Variants in SLC46A2 observed in about 807,000 individuals in gnomAD.
The protein encoded by SLC46A2 is solute carrier family 46 member 2.
SLC46A2 carries 25 observed loss-of-function variants against 33.1 expected under a neutral mutation model. That is an observed-to-expected ratio of 0.76 (90% CI 0.55 to 1.06). The LOEUF (loss-of-function observed/expected upper bound fraction) is 1.06, where lower values mean the gene tolerates loss of function less well. Among genes scored for constraint, SLC46A2 ranks in the 50% least tolerant of loss-of-function variants. The probability of loss-of-function intolerance (pLI) is 0.00; values close to 1 mark genes in which losing one functional copy is unlikely to be tolerated. For missense variants in SLC46A2, 622 were observed against 621.7 expected (o/e 1.00, Z 0.00); for synonymous variants, 254 against 275.9 (o/e 0.92, Z 0.79).
In SLC46A2 at chr9:112,890,432, C is replaced by G; in HGVS notation, c.250G>C (p.Val84Leu). Residue 84 changes from valine (V) to leucine (L), a missense_variant, in exon 1 of 4, where the codon GTG becomes CTG. Val to Leu is a conservative substitution (Grantham distance 32). Coordinates refer to ENST00000374228, the MANE Select transcript of SLC46A2 (RefSeq NM_033051.4). The surrounding 1 kb of genome is among the most constrained non-coding windows in gnomAD (Gnocchi z 6.0). ...ISNFYIIYNL[V>L]VGLSPLLSAY... ...GACAGCAGGGGGGACAGGCCCACCA[C>G]AAGGTTGTAGATAATGTAGAAATTG... 1 of 1,614,230 alleles carries G rather than the reference C, an allele frequency of 6.2e-7. No individual in the cohort carries two copies. Among genetic ancestry groups the G allele is most frequent in the South Asian group, 1.1e-5 (1 of 91,088 alleles).
At chr9:112,882,257 C>T (rs1264592749) in intron 3 of SLC46A2, among the ~76,000 whole-genome samples, 2 of 152,194 alleles carry the variant, frequency 1.3e-5, no homozygotes, top group Non-Finnish European at 2.9e-5. Context: ...CAGGCATGCA[C>T]CACAATGCCT....
Position 112,890,834 on chromosome 9 carries a change from G to C in SLC46A2, c.-153C>G, listed in dbSNP as rs1039520511. On this transcript the variant is annotated 5_prime_UTR_variant, in exon 1 of 4. Transcript: ENST00000374228. This position sits in a 1 kb window ranked among gnomAD's most constrained non-coding sequence, Gnocchi z 6.0. ...CGAGTGTGCTCCGTGCGCCGGGAGC[G>C]CGCCGGCCAGTGGCGAGCAGAGCCA... 45 of 935,114 alleles carry C rather than the reference G, an allele frequency of 4.8e-5. No individual in the cohort carries two copies. In the African/African-American group the frequency reaches 7.0e-4, roughly 15 times the overall value. The allele number at this position is 935,114 out of a possible 1,614,324, so 57.9% of individuals were successfully genotyped here.
rs77961817 is a variant in SLC46A2, at chr9:112,881,208, C to G, written c.1371-1389G>C. On this transcript the variant is annotated intron_variant, in intron 3 of 3. Transcript: ENST00000374228. ...CCTCTGGCACCCTGGGCTTTCTCAT[C>G]TGCTGGAGCTCCAGAATCCTCAGGT... Among the ~76,000 whole-genome samples, 71 of 152,330 alleles carry G rather than the reference C, an allele frequency of 4.7e-4. No homozygotes were observed. In the East Asian group the frequency reaches 0.013, roughly 29 times the overall value.
chr9:112,882,056 C>CT (rs370045387), intron 3 of SLC46A2, among the ~76,000 whole-genome samples: 8 of 152,186 alleles, frequency 5.3e-5, no homozygotes, highest in African/African-American at 1.9e-4. Flanking sequence ...GCCAGGCCAG[C>CT]TTATGCAGGG....
rs145661725 is a variant in SLC46A2 at position 112,889,482 on chromosome 9, G to A, written c.1129+71C>T. On this transcript the variant is annotated intron_variant, in intron 1 of 3. Coordinates refer to ENST00000374228, the MANE Select transcript of SLC46A2 (RefSeq NM_033051.4). ...GCTGAGCTAGGACACCCAGACCATG[G>A]CATCCCTGGTGTCAGCCCCATGATG... The A allele has an allele frequency of 3.0e-5, 45 of 1,501,994 alleles. 1 individual carries two copies. The South Asian group carries it at 5.3e-4, about 18-fold the overall frequency. The allele number at this position is 1,501,994 out of a possible 1,614,324, so 93.0% of individuals were successfully genotyped here. A position where few individuals can be genotyped will look rare whatever the true frequency, so the allele number is the denominator to read the frequency against.
chr9:112,881,804 C>T (rs1043573181), intron 3 of SLC46A2: 4 of 152,254 alleles, frequency 2.6e-5, no homozygotes, highest in African/African-American at 9.6e-5. Context: ...ATGAAATCAT[C>T]ATCACTGCAT....
intron 1 of SLC46A2, among the ~76,000 whole-genome samples, chr9:112,887,946 T>TGTGTGAGA (rs1554760068): frequency 3.6e-5 from 5 of 139,288 alleles, no homozygotes; most frequent in African/African-American, 1.1e-4. Flanking sequence ...TGTGTGTGTG[T>TGTGTGAGA]GAGAGAGAGA....
At chr9:112,881,406 C>T (rs1841575833) in intron 3 of SLC46A2, 1 of 152,252 alleles carries the variant, frequency 6.6e-6, no homozygotes, top group South Asian at 2.1e-4. Context: ...ACTGACTGTA[C>T]TTAAGACTCA....
rs1179090156 is a variant in SLC46A2, at chr9:112,879,823, TA to T, written c.1371-5del. ...GACTTGTTTATAGGCCACGATGCTG[TA>T]AGAATTGACCATAGAGAGTTACAAG... On this transcript the variant is annotated splice_region_variant and splice_polypyrimidine_tract_variant and intron_variant, in intron 3 of 3. Transcript: ENST00000374228. 6 of 1,612,298 alleles carry T rather than the reference TA, an allele frequency of 3.7e-6. No individual in the cohort carries two copies. Among genetic ancestry groups the T allele is most frequent in the Non-Finnish European group, 5.1e-6 (6 of 1,178,724 alleles).
chr9:112,884,690 C>T (rs1171282213), intron 3 of SLC46A2, among the ~76,000 whole-genome samples: 2 of 152,194 alleles, frequency 1.3e-5, no homozygotes, highest in East Asian at 3.8e-4. Flanking sequence ...CAGAGGGAAA[C>T]AGTGTGCCTA....
intron 2 of SLC46A2, 39 bp downstream of exon 2, chr9:112,887,291 C>T (rs765631692): frequency 1.3e-5 from 21 of 1,594,732 alleles, no homozygotes; most frequent in East Asian, 6.7e-5. Context: ...TGAAACAGCC[C>T]GGGCAGAAGA....
rs761965885 is a variant in SLC46A2 at position 112,889,645 on chromosome 9, C to T, written c.1037G>A (p.Arg346Gln). 1.2e-5 allele frequency: 20 copies of T among 1,613,926 alleles called. No homozygotes were observed. Among genetic ancestry groups the T allele is most frequent in the East Asian group, 8.9e-5 (4 of 44,874 alleles). The stretch of plus-strand genomic sequence containing the variant: ...CCCAATCATGATCATGGTGGTGTCC[C>T]GAAAGCAGCGGGAGAAGACCAGGAC... ...LGVLVFSRCFRDTTMIMIGMV... is the reference protein window; with the variant it reads ...LGVLVFSRCFQDTTMIMIGMV... Residue 346 changes from arginine (R) to glutamine (Q), a missense_variant, in exon 1 of 4, where the codon CGG becomes CAG. By Grantham distance (43) the Arg-to-Gln change is conservative. Transcript: ENST00000374228.
chr9:112,888,299 A>C (rs889075577), intron 1 of SLC46A2, among the ~76,000 whole-genome samples: 5 of 150,262 alleles, frequency 3.3e-5, no homozygotes, highest in Non-Finnish European at 7.5e-5. Flanking sequence ...AAAACAAAAC[A>C]AAACCCAAAG....
rs755915073 is a variant in SLC46A2, at chr9:112,886,623, A to G, written c.1214-7T>C. The G allele has an allele frequency of 8.1e-6, 13 of 1,613,620 alleles. No individual in the cohort carries two copies. The East Asian group carries it at 1.8e-4, about 22-fold the overall frequency. The stretch of plus-strand genomic sequence containing the variant: ...AGTATGACGAACACCTTTCCTGTGG[A>G]AGGGACAGAGGTTACTCCGGAGTGC... On this transcript the variant is annotated splice_region_variant and splice_polypyrimidine_tract_variant and intron_variant, in intron 2 of 3. Coordinates refer to ENST00000374228, the MANE Select transcript of SLC46A2 (RefSeq NM_033051.4).
chr9:112,890,503 G>C lies in SLC46A2; in HGVS notation c.179C>G (p.Pro60Arg). ...GTCCTCTAGAGCCCCCCGGGGCGAT[G>C]GGCTGGCACTGTGGTTGGAGGAGCC... is the stretch of plus-strand genomic sequence containing the variant. ...TGGSSNHSAS[P>R]SPRGALEDQQ... The change falls in exon 1 of 4, where the codon CCA becomes CGA. Residue 60 changes from proline (P) to arginine (R), a missense_variant. Physicochemically the swap from Pro to Arg is moderately radical, Grantham distance 103. Coordinates refer to ENST00000374228, the MANE Select transcript of SLC46A2 (RefSeq NM_033051.4). This position sits in a 1 kb window ranked among gnomAD's most constrained non-coding sequence, Gnocchi z 6.0. The C allele has an allele frequency of 6.2e-7, 1 of 1,613,820 alleles. No individual in the cohort carries two copies. The highest frequency in any genetic ancestry group is 1.3e-5 in the African/African-American group (1 of 74,952).
At chr9:112,887,953 G>C (rs953417047) in intron 1 of SLC46A2, among the ~76,000 whole-genome samples, 1 of 147,652 alleles carries the variant, frequency 6.8e-6, no homozygotes, top group Non-Finnish European at 1.5e-5. Context: ...GTGTGAGAGA[G>C]AGAGAGAGAG....
rs751087874 is a variant in SLC46A2 at position 112,890,436 on chromosome 9, G to T, written c.246C>A (p.Asn82Lys). ...RAISNFYIIY[N>K]LVVGLSPLLS... ...GCAGGGGGGACAGGCCCACCACAAG[G>T]TTGTAGATAATGTAGAAATTGGAGA... The change falls in exon 1 of 4, where the codon AAC becomes AAA. Residue 82 changes from asparagine (N) to lysine (K), a missense_variant. Transcript: ENST00000374228. The surrounding 1 kb of genome is among the most constrained non-coding windows in gnomAD (Gnocchi z 6.0). 2.2e-5 allele frequency: 36 copies of T among 1,614,140 alleles called. No individual in the cohort carries two copies. Among genetic ancestry groups the T allele is most frequent in the Non-Finnish European group, 2.9e-5 (34 of 1,180,056 alleles).
intron 1 of SLC46A2, among the ~76,000 whole-genome samples, chr9:112,889,261 G>A (rs1841689486): frequency 6.6e-6 from 1 of 152,106 alleles, no homozygotes; most frequent in African/African-American, 2.4e-5. Flanking sequence ...CTCTGTTGAA[G>A]GCCATCCTGA....
At chr9:112,884,174 G>A (rs1246839411) in intron 3 of SLC46A2, among the ~76,000 whole-genome samples, 1 of 152,182 alleles carries the variant, frequency 6.6e-6, no homozygotes, top group Non-Finnish European at 1.5e-5. Context: ...GCTCACTTTG[G>A]TACCAGGAAG....
Sources: gnomAD v4.1 joint callset for allele counts (sites outside exome capture counted in the v4.1 genomes callset) on GRCh38, gnomAD v4.1.1 for gene constraint, Gnocchi (gnomAD v3.1) non-coding constraint, MANE v1.5 for transcripts, NCBI Gene and HGNC (gene_info 2026-07-23, HGNC 2026-07-21) for gene names.